The following SMIM35 variants were observed in gnomAD, a reference collection of about 807,000 sequenced individuals.
The protein encoded by SMIM35 is TMPRSS4 antisense RNA 1 (non-protein coding).
intron 4 of SMIM35, among the ~76,000 whole-genome samples, chr11:118,008,160 G>A (rs1262250667): frequency 6.6e-6 from 1 of 152,148 alleles, no homozygotes; most frequent in Non-Finnish European, 1.5e-5. Flanking sequence ...GTGAGCCACC[G>A]TGCCCGGCCA....
At chr11:118,072,700 C>T (rs1944591249) in intron 1 of SMIM35, among the ~76,000 whole-genome samples, 1 of 152,196 alleles carries the variant, frequency 6.6e-6, no homozygotes, top group Non-Finnish European at 1.5e-5. Flanking sequence ...TCTTTTTAAG[C>T]TTACTGTGAT....
chr11:118,029,740 G>C (rs1325539078), intron 1 of SMIM35: 1 of 457,332 alleles, frequency 2.2e-6, no homozygotes, highest in Non-Finnish European at 4.4e-6. Flanking sequence ...AGAAACACCA[G>C]CACCAGACTG....
intron 1 of SMIM35, among the ~76,000 whole-genome samples, chr11:118,073,819 G>A (rs1329922194): frequency 6.6e-6 from 1 of 152,252 alleles, no homozygotes; most frequent in African/African-American, 2.4e-5. Context: ...TGATGGGGTG[G>A]AGGAGGGTTA....
intron 1 of SMIM35, among the ~76,000 whole-genome samples, chr11:118,038,777 C>G (rs1288760419): frequency 2.0e-5 from 3 of 151,592 alleles, no homozygotes; most frequent in Admixed American, 6.6e-5. Flanking sequence ...TAAGCAAGAC[C>G]TGAAAGATGA....
chr11:118,080,856 A>G (rs1945072803), intron 1 of SMIM35, among the ~76,000 whole-genome samples: 3 of 152,202 alleles, frequency 2.0e-5, no homozygotes, highest in Non-Finnish European at 4.4e-5. Flanking sequence ...TTCTGCCCTC[A>G]GTCTTCCTTC....
chr11:118,076,833 G>C (rs60422720), intron 1 of SMIM35, among the ~76,000 whole-genome samples: 1 of 151,984 alleles, frequency 6.6e-6, no homozygotes, highest in African/African-American at 2.4e-5. Context: ...GGTAGGGGGA[G>C]GGGGGGCGGA....
At chr11:118,026,943 C>T (rs2135047441) in intron 1 of SMIM35, among the ~76,000 whole-genome samples, 1 of 151,204 alleles carries the variant, frequency 6.6e-6, no homozygotes, top group Admixed American at 6.6e-5. Context: ...TATGTTGCTA[C>T]AGGTGAAAAT....
intron 1 of SMIM35, among the ~76,000 whole-genome samples, chr11:118,073,903 T>C (rs1011659432): frequency 2.6e-5 from 4 of 152,196 alleles, no homozygotes; most frequent in African/African-American, 9.6e-5. Context: ...AGAAACCTCA[T>C]AGAAAACAAA....
At chr11:118,021,261 T>G (rs1468964673) in intron 1 of SMIM35, among the ~76,000 whole-genome samples, 1 of 152,132 alleles carries the variant, frequency 6.6e-6, no homozygotes, top group Non-Finnish European at 1.5e-5. Context: ...AAGTTTGACA[T>G]TAACAATAAA....
chr11:118,070,192 T>A (rs1175324955), intron 1 of SMIM35, among the ~76,000 whole-genome samples: 1 of 152,224 alleles, frequency 6.6e-6, no homozygotes, highest in Non-Finnish European at 1.5e-5. Flanking sequence ...CTTTTCTTTT[T>A]TTTGAGGTGG....
At chr11:118,079,132 C>T (rs1944930102) in intron 1 of SMIM35, among the ~76,000 whole-genome samples, 1 of 152,096 alleles carries the variant, frequency 6.6e-6, no homozygotes. Context: ...AGCAGCATGG[C>T]CAATCTCCAC....
At chr11:118,042,912 C>T (rs1944029224) in intron 1 of SMIM35, among the ~76,000 whole-genome samples, 1 of 152,096 alleles carries the variant, frequency 6.6e-6, no homozygotes, top group South Asian at 2.1e-4. Context: ...ATGATGATCT[C>T]AATAGATGCA....
At chr11:118,031,809 G>A (rs1487934421) in intron 1 of SMIM35, 2 of 151,916 alleles carry the variant, frequency 1.3e-5, no homozygotes, top group Non-Finnish European at 2.9e-5. Flanking sequence ...GAGACAAACA[G>A]AAATGGCATA....
At chr11:118,055,069 T>A (rs919717685) in intron 1 of SMIM35, among the ~76,000 whole-genome samples, 3 of 152,206 alleles carry the variant, frequency 2.0e-5, no homozygotes, top group Non-Finnish European at 2.9e-5. Flanking sequence ...CCTCCCAAAG[T>A]GCTGGGGTTA....
chr11:118,056,618 G>A (rs933925443), intron 1 of SMIM35, among the ~76,000 whole-genome samples: 2 of 152,192 alleles, frequency 1.3e-5, no homozygotes, highest in African/African-American at 2.4e-5. Flanking sequence ...GGTGATAGGT[G>A]TAATCGCAGA....
chr11:118,061,783 G>C (rs1279461711), intron 1 of SMIM35, among the ~76,000 whole-genome samples: 1 of 152,116 alleles, frequency 6.6e-6, no homozygotes, highest in Admixed American at 6.5e-5. Flanking sequence ...TAGATATGAT[G>C]CTAGACAGAG....
Position 118,021,052 on chromosome 11 carries a change from T to TTTTTTTTTTTGTTTTG in SMIM35, c.8-5244_8-5243insCAAAACAAAAAAAAAA, listed in dbSNP as rs559819023. ...TTCCAAATTCACAGGGTAAGGTTTT[T>TTTTTTTTTTTGTTTTG]TTTTTTACTATTTATTAAGATGGAC... On this transcript the variant is annotated intron_variant, in intron 1 of 4. Coordinates refer to ENST00000689828, the MANE Select transcript of SMIM35 (RefSeq NM_001394165.1). 3.3e-3 allele frequency among the ~76,000 whole-genome samples: 507 copies of TTTTTTTTTTTGTTTTG among 151,608 alleles called. 5 individuals are homozygous for TTTTTTTTTTTGTTTTG. The highest frequency in any genetic ancestry group is 0.028 in the East Asian group (139 of 5,046).
intron 1 of SMIM35, among the ~76,000 whole-genome samples, chr11:118,035,432 G>A (rs746485743): frequency 5.8e-4 from 89 of 152,208 alleles, no homozygotes; most frequent in Non-Finnish European, 1.0e-3. Context: ...ACATAGGAGC[G>A]CTGCCTTCAT....
At chr11:118,075,616 G>A (rs750070850) in intron 1 of SMIM35, among the ~76,000 whole-genome samples, 1 of 126,312 alleles carries the variant, frequency 7.9e-6, no homozygotes, top group Admixed American at 8.7e-5. Flanking sequence ...CTGACAAATG[G>A]GAACAAAATA....
Sources: allele counts gnomAD v4.1 joint callset (sites outside exome capture counted in the v4.1 genomes callset), GRCh38; gene constraint gnomAD v4.1.1; transcripts MANE v1.5; gene names NCBI Gene and HGNC (gene_info 2026-07-23, HGNC 2026-07-21).